CADM2: variants seen among roughly 807,000 people sequenced by gnomAD.
The protein encoded by CADM2 is cell adhesion molecule 2, also known as immunoglobulin superfamily member 4D.
Under a neutral mutation model 49.8 loss-of-function variants are expected in CADM2, and 12 were observed. The ratio of observed to expected loss-of-function variants is 0.24; its 90% CI spans 0.15 to 0.39. CADM2 has a LOEUF of 0.39. CADM2 is among the 10% of genes least tolerant of loss of function. The pLI is 1.00. For synonymous variants in CADM2, 214 were observed against 175.4 expected (o/e 1.22, Z -1.74); for missense variants, 378 against 492.3 (o/e 0.77, Z 2.20).
intron 1 of CADM2, among the ~76,000 whole-genome samples, chr3:85,609,052 G>A (rs1375562): frequency 0.74 from 112,056 of 151,876 alleles, 45,625 homozygotes; most frequent in East Asian, 0.91. Flanking sequence ...CTGTTCTCCA[G>A]GTTTCCTCCA....
At chr3:85,274,167 T>C (rs2043306434) in intron 1 of CADM2, among the ~76,000 whole-genome samples, 1 of 151,098 alleles carries the variant, frequency 6.6e-6, no homozygotes, top group Non-Finnish European at 1.5e-5. Flanking sequence ...AAAGAGAAAA[T>C]GAGAGGAGGG....
intron 2 of CADM2, among the ~76,000 whole-genome samples, chr3:85,801,295 A>T (rs1195686924): frequency 1.3e-5 from 2 of 152,172 alleles, no homozygotes; most frequent in Non-Finnish European, 2.9e-5. Flanking sequence ...CATACTGATG[A>T]TATCCAAATT....
intron 1 of CADM2, among the ~76,000 whole-genome samples, chr3:85,361,295 A>T (rs181089181): frequency 1.0e-3 from 154 of 152,288 alleles, no homozygotes; most frequent in African/African-American, 3.5e-3. Context: ...CAAAGGAAAC[A>T]TATTTCACTG....
chr3:85,969,004 G>A (rs189457357), intron 8 of CADM2, among the ~76,000 whole-genome samples: 105 of 151,424 alleles, frequency 6.9e-4, no homozygotes, highest in Non-Finnish European at 1.2e-3. Flanking sequence ...AATTCATCAC[G>A]AAGTTCCATC....
intron 2 of CADM2, among the ~76,000 whole-genome samples, chr3:85,756,059 G>T (rs2069104558): frequency 6.6e-6 from 1 of 152,116 alleles, no homozygotes; most frequent in Admixed American, 6.6e-5. Flanking sequence ...ACTCAAGTAT[G>T]GTTGAAAGGG....
intron 1 of CADM2, among the ~76,000 whole-genome samples, chr3:85,117,742 T>G (rs2038694069): frequency 6.6e-6 from 1 of 152,238 alleles, no homozygotes; most frequent in South Asian, 2.1e-4. Context: ...ACATGTATTT[T>G]GTAAGGAAGT....
intron 1 of CADM2, among the ~76,000 whole-genome samples, chr3:85,189,508 A>G (rs1395683273): frequency 6.6e-6 from 1 of 152,186 alleles, no homozygotes; most frequent in African/African-American, 2.4e-5. Flanking sequence ...ATGTTGAATA[A>G]TGTATATACA....
chr3:85,336,085 A>C (rs1313779937), intron 1 of CADM2, among the ~76,000 whole-genome samples: 1 of 151,424 alleles, frequency 6.6e-6, no homozygotes, highest in Admixed American at 6.6e-5. Context: ...TCCATTTTCT[A>C]AACATTATTT....
chr3:85,510,208 C>A (rs7613660), intron 1 of CADM2, among the ~76,000 whole-genome samples: 31,560 of 151,856 alleles, frequency 0.21, 3,888 homozygotes, highest in East Asian at 0.3. Flanking sequence ...CTATGTGTAT[C>A]TAAGAATATT....
At chr3:85,333,182 T>C (rs1377363920) in intron 1 of CADM2, among the ~76,000 whole-genome samples, 1 of 151,722 alleles carries the variant, frequency 6.6e-6, no homozygotes, top group African/African-American at 2.4e-5. Flanking sequence ...AAGTGTTAAT[T>C]ATAAAAGAAT....
intron 3 of CADM2, among the ~76,000 whole-genome samples, chr3:85,829,854 T>C (rs891873765): frequency 6.6e-6 from 1 of 152,060 alleles, no homozygotes; most frequent in African/African-American, 2.4e-5. Flanking sequence ...ATTTCCCTTT[T>C]TTAAAAGGCT....
intron 7 of CADM2, among the ~76,000 whole-genome samples, chr3:85,942,825 T>A (rs919475329): frequency 1.3e-5 from 2 of 152,096 alleles, no homozygotes; most frequent in African/African-American, 4.8e-5. Context: ...AGCAGCATAA[T>A]TTATAGTCCT....
At chr3:85,206,140 T>A (rs1180711429) in intron 1 of CADM2, among the ~76,000 whole-genome samples, 1 of 152,130 alleles carries the variant, frequency 6.6e-6, no homozygotes, top group African/African-American at 2.4e-5. Context: ...GTTTTGCTTT[T>A]TTTTTGTTTG....
At chr3:85,013,504 T>C (rs1290971222) in intron 1 of CADM2, among the ~76,000 whole-genome samples, 3 of 151,924 alleles carry the variant, frequency 2.0e-5, no homozygotes, top group African/African-American at 7.2e-5. Context: ...TAAGGGGTTG[T>C]AAGCACTTTT....
At chr3:85,133,261 G>T (rs867370087) in intron 1 of CADM2, among the ~76,000 whole-genome samples, 1 of 152,152 alleles carries the variant, frequency 6.6e-6, no homozygotes, top group Non-Finnish European at 1.5e-5. Flanking sequence ...GCCACCACTC[G>T]CTCGGGCAGC....
intron 1 of CADM2, among the ~76,000 whole-genome samples, chr3:85,309,711 G>A (rs1201473995): frequency 6.6e-6 from 1 of 152,132 alleles, no homozygotes; most frequent in South Asian, 2.1e-4. Flanking sequence ...AAATTCCTGA[G>A]GAATCAGCAG....
At chr3:85,658,995 T>C (rs2065309184) in intron 1 of CADM2, among the ~76,000 whole-genome samples, 1 of 150,768 alleles carries the variant, frequency 6.6e-6, no homozygotes, top group Non-Finnish European at 1.5e-5. Context: ...AAGGCTTCAG[T>C]GAACTATAAA....
At chr3:85,782,932 C>T (rs2070745494) in intron 2 of CADM2, among the ~76,000 whole-genome samples, 1 of 152,086 alleles carries the variant, frequency 6.6e-6, no homozygotes, top group Non-Finnish European at 1.5e-5. Flanking sequence ...TCCAAAAGTA[C>T]ATTTAAAACT....
intron 1 of CADM2, among the ~76,000 whole-genome samples, chr3:85,298,719 AATTTAT>A (rs1305570540): frequency 1.3e-5 from 2 of 152,140 alleles, no homozygotes; most frequent in Admixed American, 1.3e-4. Flanking sequence ...TATAAGACAA[AATTTAT>A]GTAAAAATAA....
Sources: gnomAD v4.1 joint callset for allele counts (sites outside exome capture counted in the v4.1 genomes callset) on GRCh38, gnomAD v4.1.1 for gene constraint, MANE v1.5 for transcripts, NCBI Gene and HGNC (gene_info 2026-07-23, HGNC 2026-07-21) for gene names.